MMP27: variants seen among roughly 807,000 people sequenced by gnomAD.
MMP27 encodes matrix metallopeptidase 27.
In MMP27, 51 loss-of-function variants were observed where a neutral mutation model predicts 48.1. The ratio of observed to expected loss-of-function variants is 1.06; its 90% CI spans 0.85 to 1.34. The LOEUF (loss-of-function observed/expected upper bound fraction) is 1.34. Ranked by LOEUF, MMP27 falls within the 40% of genes most tolerant of loss-of-function variation. MMP27 has a pLI of 0.00. For missense variants in MMP27, 698 were observed against 619.3 expected (o/e 1.13, Z -1.35); for synonymous variants, 229 against 208.9 (o/e 1.10, Z -0.83).
intron 2 of MMP27, 132 bp downstream of exon 2, chr11:102,704,405 C>T (rs1439857754): frequency 4.9e-5 from 36 of 732,440 alleles, no homozygotes; most frequent in Non-Finnish European, 1.2e-5. Context: ...TGGGAAGATA[C>T]CGTAAATGGA....
chr11:102,693,831 G>A lies in MMP27; in HGVS notation c.1193+75C>T, dbSNP rs551441046. ...AATATTATGGATTCATTTTAATTTTGTCTGTGTCAAAGTGATGCTATTGTG... is the reference window on the plus strand; with the variant it reads ...AATATTATGGATTCATTTTAATTTTATCTGTGTCAAAGTGATGCTATTGTG... On this transcript the variant is annotated intron_variant, in intron 8 of 9. Coordinates refer to ENST00000260229, the MANE Select transcript of MMP27 (RefSeq NM_022122.3). 6.4e-5 allele frequency: 77 copies of A among 1,207,248 alleles called. No individual in the cohort carries two copies. In the Admixed American group the frequency reaches 6.7e-4, roughly 11 times the overall value. 74.8% of individuals were successfully genotyped at this position (1,207,248 alleles called of 1,614,324 possible). A position where few individuals can be genotyped will look rare whatever the true frequency, so the allele number is the denominator to read the frequency against.
At chr11:102,700,664 A>G (rs1472679454) in intron 4 of MMP27, among the ~76,000 whole-genome samples, 1 of 152,144 alleles carries the variant, frequency 6.6e-6, no homozygotes, top group African/African-American at 2.4e-5. Flanking sequence ...CAAACTACAA[A>G]CCATTGCTTT....
chr11:102,700,419 T>A (rs1860918307), intron 4 of MMP27, among the ~76,000 whole-genome samples: 1 of 152,232 alleles, frequency 6.6e-6, no homozygotes, highest in Non-Finnish European at 1.5e-5. Context: ...CTAACAATTG[T>A]CAACAGAATC....
intron 4 of MMP27, among the ~76,000 whole-genome samples, chr11:102,702,136 T>C (rs867692946): frequency 1.3e-5 from 2 of 152,170 alleles, no homozygotes; most frequent in East Asian, 1.9e-4. Context: ...GGCAGACCCA[T>C]TGAGAAAAAT....
chr11:102,702,834 C>A lies in MMP27; in HGVS notation c.538G>T (p.Gly180Cys). ...RYFDGPLGVL[G>C]HAFPPGPGLG... ...CCCGGACCAGGAGGAAAGGCATGGC[C>A]AAGCACTCCCAAGGGACCATCAAAA... Residue 180 changes from glycine to cysteine, a missense_variant, in exon 4 of 10, where the codon GGC (glycine) becomes TGC (cysteine). Gly to Cys is a radical substitution (Grantham distance 159). Transcript: ENST00000260229. 6.2e-7 allele frequency: 1 copy of A among 1,614,006 alleles called. No individual in the cohort carries two copies. The highest frequency in any genetic ancestry group is 1.1e-5 in the South Asian group (1 of 91,050).
At chr11:102,696,876 A>C (rs758529922) in intron 4 of MMP27, 41 bp from the exon 5 acceptor site, 19 of 1,580,062 alleles carry the variant, frequency 1.2e-5, no homozygotes, top group Middle Eastern at 3.4e-4. Flanking sequence ...TGACTTAATC[A>C]AAAAGAGAAT....
In MMP27 at chr11:102,704,792, G is replaced by GAAA. The variant is rs747053945; in HGVS notation, c.103-20_103-18dup. ...GAGATATGCCTGACCAAAAAGATAA[G>GAAA]AAAAAAAAAAAAGAGGCACAGACTA... is the stretch of plus-strand genomic sequence containing the variant. On this transcript the variant is annotated splice_polypyrimidine_tract_variant and intron_variant, in intron 1 of 9. Coordinates refer to ENST00000260229, the MANE Select transcript of MMP27 (RefSeq NM_022122.3). The GAAA allele has an allele frequency of 3.6e-6, 4 of 1,119,430 alleles. No homozygotes were observed. The highest frequency in any genetic ancestry group is 3.6e-6 in the Non-Finnish European group (3 of 826,870). The allele number at this position is 1,119,430 out of a possible 1,614,324, so 69.3% of individuals were successfully genotyped here.
chr11:102,703,019 G>C lies in MMP27; in HGVS notation c.441C>G (p.Thr147=), dbSNP rs1480575094. The C allele has an allele frequency of 1.2e-6, 2 of 1,614,102 alleles. No individual in the cohort carries two copies. Among genetic ancestry groups the C allele is most frequent in the Non-Finnish European group, 8.5e-7 (1 of 1,180,006 alleles). The part of the protein sequence containing the change: ...VWSKVTPLKF[T]KISKGIADIM... ...TGTCTGCAATCCCCTTTGAAATCTT[G>C]GTGAATTTTAGTGGAGTGACTTTGC... is the stretch of plus-strand genomic sequence containing the variant. The change falls in exon 3 of 10, where the codon ACC becomes ACG. Residue 147 remains threonine, a synonymous_variant. Transcript: ENST00000260229.
chr11:102,696,875 C>A (rs1430259510), intron 4 of MMP27, 40 bp from the exon 5 acceptor site: 4 of 1,578,048 alleles, frequency 2.5e-6, no homozygotes, highest in South Asian at 2.4e-5. Context: ...ATGACTTAAT[C>A]AAAAAGAGAA....
At position 102,692,014 on chromosome 11, in the gene MMP27, G is replaced by A; in HGVS notation, c.1298-4C>T. On this transcript the variant is annotated splice_region_variant and splice_polypyrimidine_tract_variant and intron_variant, in intron 9 of 9. Transcript: ENST00000260229. ...CCACGGCTGAAAAAGAAGAATCCTA[G>A]AGACAGGGAATCAGGATTAGTTATC... 2 of 1,590,442 alleles carry A rather than the reference G, an allele frequency of 1.3e-6. No homozygotes were observed. Among genetic ancestry groups the A allele is most frequent in the Non-Finnish European group, 1.7e-6 (2 of 1,168,088 alleles).
rs1860802580 is a variant in MMP27, at chr11:102,695,229, T to C, written c.903-132A>G. ...ATAATTGAGATAATTAGCATAATTT[T>C]CCCCAGTAAATTTAGGTGATTGTGA... is the stretch of plus-strand genomic sequence containing the variant. On this transcript the variant is annotated intron_variant, in intron 6 of 9. Coordinates refer to ENST00000260229, the MANE Select transcript of MMP27 (RefSeq NM_022122.3). The C allele has an allele frequency of 4.7e-6, 5 of 1,068,730 alleles. No homozygotes were observed. The African/African-American group carries it at 6.3e-5, about 14-fold the overall frequency. 66.2% of individuals were successfully genotyped at this position (1,068,730 alleles called of 1,614,324 possible).
At chr11:102,698,968 T>C (rs1860885759) in intron 4 of MMP27, among the ~76,000 whole-genome samples, 1 of 152,220 alleles carries the variant, frequency 6.6e-6, no homozygotes, top group African/African-American at 2.4e-5. Flanking sequence ...ACAGGAACCA[T>C]GTCTTAATTA....
At position 102,693,937 on chromosome 11, in the gene MMP27, T is replaced by C; in HGVS notation, c.1162A>G (p.Thr388Ala). The change falls in exon 8 of 10, where the codon ACC becomes GCC. Residue 388 changes from threonine to alanine, a missense_variant. Transcript: ENST00000260229. ...CACCAAATGCCCACAAAGAAGTAGGTTTTTCTTGTGGTCTTATCACAGACG... is the reference window on the plus strand; with the variant it reads ...CACCAAATGCCCACAAAGAAGTAGGCTTTTCTTGTGGTCTTATCACAGACG... ...AAVCDKTTRK[T>A]YFFVGIWCWR... is the part of the protein sequence containing the mutation. 1 of 1,606,146 alleles carries C rather than the reference T, an allele frequency of 6.2e-7. No homozygotes were observed. Among genetic ancestry groups the C allele is most frequent in the East Asian group, 2.3e-5 (1 of 44,396 alleles).
intron 8 of MMP27, among the ~76,000 whole-genome samples, chr11:102,693,615 T>A (rs1487996701): frequency 2.6e-5 from 4 of 152,016 alleles, no homozygotes; most frequent in African/African-American, 9.7e-5. Flanking sequence ...AAACTCCATC[T>A]CTACAAAAAG....
chr11:102,698,315 A>T (rs1289592741), intron 4 of MMP27, among the ~76,000 whole-genome samples: 1 of 152,190 alleles, frequency 6.6e-6, no homozygotes, highest in East Asian at 1.9e-4. Flanking sequence ...TTTCAGCTCC[A>T]TCATAATCGA....
At chr11:102,705,501 CA>C (rs2134280191) in intron 1 of MMP27, 111 bp downstream of exon 1, 1 of 645,210 alleles carries the variant, frequency 1.5e-6, no homozygotes, top group Non-Finnish European at 2.6e-6. Context: ...TTCCTTCTCA[CA>C]AAAAAGTTCA....
At chr11:102,703,742 T>C (rs1051403653) in intron 2 of MMP27, among the ~76,000 whole-genome samples, 10 of 152,156 alleles carry the variant, frequency 6.6e-5, no homozygotes, top group Admixed American at 1.3e-4. Flanking sequence ...CAGGCTGGTC[T>C]CAAACTCCTG....
chr11:102,691,696 T>C lies in MMP27; in HGVS notation c.*70A>G, dbSNP rs943080631. ...GGACCAGCAACTTGTTGTTAAAGAATGGTTTTATTCTATTTTGAAGCAGAA... is the reference window on the plus strand; with the variant it reads ...GGACCAGCAACTTGTTGTTAAAGAACGGTTTTATTCTATTTTGAAGCAGAA... On this transcript the variant is annotated 3_prime_UTR_variant, in exon 10 of 10. Transcript: ENST00000260229. The C allele has an allele frequency of 6.5e-5, 86 of 1,319,176 alleles. 1 individual carries two copies. Among genetic ancestry groups the C allele is most frequent in the Non-Finnish European group, 8.3e-5 (81 of 980,850 alleles). 81.7% of individuals were successfully genotyped at this position (1,319,176 alleles called of 1,614,324 possible). A position where few individuals can be genotyped will look rare whatever the true frequency, so the allele number is the denominator to read the frequency against.
chr11:102,696,890 T>C (rs1860842145), intron 4 of MMP27, 55 bp from the exon 5 acceptor site: 1 of 1,555,850 alleles, frequency 6.4e-7, no homozygotes, highest in Non-Finnish European at 8.7e-7. Context: ...AGAGAATGGC[T>C]GCATCTGAGA....
Sources: gnomAD v4.1 joint callset for allele counts (sites outside exome capture counted in the v4.1 genomes callset) on GRCh38, gnomAD v4.1.1 for gene constraint, MANE v1.5 for transcripts, NCBI Gene and HGNC (gene_info 2026-07-23, HGNC 2026-07-21) for gene names.